The following PLXNA2 variants were observed in gnomAD, a reference collection of about 807,000 sequenced individuals.
PLXNA2 encodes the protein plexin A2, also known as plexin-A2.
Under a neutral mutation model 193.5 loss-of-function variants are expected in PLXNA2, and 91 were observed. The observed-to-expected ratio is 0.47, with a 90% CI of 0.40 to 0.56. The LOEUF (loss-of-function observed/expected upper bound fraction) is 0.56. PLXNA2 is among the 20% of genes least tolerant of loss of function. PLXNA2 has a pLI of 0.00. For synonymous variants in PLXNA2, 997 were observed against 1,027.3 expected (o/e 0.97, Z 0.56); for missense variants, 1,995 against 2,503.2 (o/e 0.80, Z 4.33).
chr1:208,104,749 A>G (rs74796538), intron 4 of PLXNA2, among the ~76,000 whole-genome samples: 1 of 152,272 alleles, frequency 6.6e-6, no homozygotes, highest in African/African-American at 2.4e-5. Flanking sequence ...CACACTTAAC[A>G]TTGCATATAT....
At chr1:208,235,701 A>T (rs540227886) in intron 1 of PLXNA2, among the ~76,000 whole-genome samples, 30 of 152,160 alleles carry the variant, frequency 2.0e-4, no homozygotes, top group Non-Finnish European at 4.0e-4. Flanking sequence ...CTTTGACACC[A>T]GGCTCTTCCT....
chr1:208,153,869 T>A (rs12024077), intron 3 of PLXNA2, among the ~76,000 whole-genome samples: 26,685 of 152,186 alleles, frequency 0.18, 3,366 homozygotes, highest in East Asian at 0.54. Flanking sequence ...AGGGTCTACC[T>A]CTTTTAAAAG....
At chr1:208,178,535 T>G (rs1038437565) in intron 3 of PLXNA2, among the ~76,000 whole-genome samples, 8 of 151,706 alleles carry the variant, frequency 5.3e-5, no homozygotes, top group Non-Finnish European at 1.2e-4. Flanking sequence ...GGGGCGGGGG[T>G]GTTGCCTGCC....
intron 1 of PLXNA2, among the ~76,000 whole-genome samples, chr1:208,225,175 T>C (rs964708794): frequency 5.1e-4 from 77 of 152,266 alleles, no homozygotes; most frequent in African/African-American, 1.8e-3. Context: ...AGGGGCTGGA[T>C]ACTAGCAAGA....
intron 1 of PLXNA2, among the ~76,000 whole-genome samples, chr1:208,239,359 C>T (rs1671973776): frequency 6.6e-6 from 1 of 152,172 alleles, no homozygotes; most frequent in African/African-American, 2.4e-5. Context: ...CTGTCCACCC[C>T]CATTCACACT....
chr1:208,220,289 A>G (rs1316400022), intron 1 of PLXNA2, among the ~76,000 whole-genome samples: 11 of 152,206 alleles, frequency 7.2e-5, no homozygotes, highest in African/African-American at 4.8e-5. Context: ...AGGCAAGTCA[A>G]GTCTCATGTC....
intron 4 of PLXNA2, among the ~76,000 whole-genome samples, chr1:208,119,803 T>A (rs1200516501): frequency 2.0e-5 from 3 of 152,230 alleles, no homozygotes; most frequent in Admixed American, 6.5e-5. Context: ...TTAGTAGAGA[T>A]GGGGTTTCAC....
Position 208,033,506 on chromosome 1 carries a change from G to T in PLXNA2, c.4868C>A (p.Ser1623Tyr). The change falls in exon 28 of 32, where the codon TCC becomes TAC. Residue 1623 changes from serine to tyrosine, a missense_variant. This residue lies in a region of PLXNA2 where 1,291 missense variants were observed against 1,673.6 expected (regional missense o/e 0.77). Coordinates refer to ENST00000367033, the MANE Select transcript of PLXNA2 (RefSeq NM_025179.4). ...ISRTSISRYD[S>Y]SFRYTGSPDS... is the part of the protein sequence containing the mutation. ...GGGGCTGCCCGTATACCTGAAGGAGGAGTCTGAGGAGAAGGGGTTGGTGGA... is the reference window on the plus strand; with the variant it reads ...GGGGCTGCCCGTATACCTGAAGGAGTAGTCTGAGGAGAAGGGGTTGGTGGA... 6.2e-7 allele frequency: 1 copy of T among 1,601,036 alleles called. No homozygotes were observed.
In PLXNA2 at chr1:208,023,296, A is replaced by T. The variant is rs1431270796; in HGVS notation, c.*3947T>A. The T allele has an allele frequency of 1.3e-5, 2 of 152,654 alleles. No individual in the cohort carries two copies. The highest frequency in any genetic ancestry group is 6.5e-5 in the Admixed American group (1 of 15,278). The allele number at this position is 152,654 out of a possible 1,614,324, so 9.5% of individuals were successfully genotyped here. A position where few individuals can be genotyped will look rare whatever the true frequency, so the allele number is the denominator to read the frequency against. On this transcript the variant is annotated 3_prime_UTR_variant, in exon 32 of 32. Coordinates refer to ENST00000367033, the MANE Select transcript of PLXNA2 (RefSeq NM_025179.4). ...AAAAAAAGACGGCCTCTCCTGGAGC[A>T]GCTGCTGGATCAGTATTTACCAGGA...
At chr1:208,187,701 G>A (rs1003443474) in intron 3 of PLXNA2, among the ~76,000 whole-genome samples, 6 of 152,184 alleles carry the variant, frequency 3.9e-5, no homozygotes, top group African/African-American at 1.4e-4. Flanking sequence ...CCAGGATCTT[G>A]TAAAAGTCCC....
intron 4 of PLXNA2, among the ~76,000 whole-genome samples, chr1:208,120,353 G>A (rs914728297): frequency 4.6e-5 from 7 of 152,202 alleles, no homozygotes; most frequent in Non-Finnish European, 7.3e-5. Flanking sequence ...TTAGAGTGGG[G>A]TGGGATTAAT....
chr1:208,219,070 G>A (rs1397079340), intron 1 of PLXNA2, among the ~76,000 whole-genome samples: 3 of 152,194 alleles, frequency 2.0e-5, no homozygotes, highest in East Asian at 1.9e-4. Flanking sequence ...AATCACCAGC[G>A]GGCCTCAGTG....
intron 4 of PLXNA2, among the ~76,000 whole-genome samples, chr1:208,115,787 G>A (rs1192740362): frequency 1.3e-5 from 2 of 152,074 alleles, no homozygotes; most frequent in Non-Finnish European, 2.9e-5. Flanking sequence ...ATTGAGACAT[G>A]GTAAAAGCTA....
At chr1:208,095,817 G>T (rs1310783345) in intron 8 of PLXNA2, among the ~76,000 whole-genome samples, 1 of 152,162 alleles carries the variant, frequency 6.6e-6, no homozygotes, top group African/African-American at 2.4e-5. Flanking sequence ...GGCATCCAAG[G>T]ATTCAGAGAC....
intron 1 of PLXNA2, among the ~76,000 whole-genome samples, chr1:208,224,533 G>A (rs534275988): frequency 6.6e-6 from 1 of 151,978 alleles, no homozygotes; most frequent in Admixed American, 6.6e-5. Context: ...AAGGGGGAGG[G>A]GGGTGAGGAG....
intron 3 of PLXNA2, among the ~76,000 whole-genome samples, chr1:208,199,251 G>A (rs1670459875): frequency 6.6e-6 from 1 of 152,166 alleles, no homozygotes; most frequent in Non-Finnish European, 1.5e-5. Context: ...GGTCACCCTA[G>A]ATCAAGGTTG....
Position 208,203,033 on chromosome 1 carries a change from A to C in PLXNA2, c.1371+7247T>G, listed in dbSNP as rs111763763. 5.3e-3 allele frequency among the ~76,000 whole-genome samples: 806 copies of C among 152,302 alleles called. 14 individuals are homozygous for C. Among genetic ancestry groups the C allele is most frequent in the African/African-American group, 0.019 (774 of 41,572 alleles). On this transcript the variant is annotated intron_variant, in intron 3 of 31. Coordinates refer to ENST00000367033, the MANE Select transcript of PLXNA2 (RefSeq NM_025179.4). ...TGCTGGGGATCTGGACAGAGCCGAC[A>C]TCTCCTGTCTACACCTGCCATGGTC...
At position 208,162,668 on chromosome 1, in the gene PLXNA2, C is replaced by CG. The variant is rs1669169219; in HGVS notation, c.1372-20206dup. 5.9e-5 allele frequency among the ~76,000 whole-genome samples: 9 copies of CG among 152,166 alleles called. No homozygotes were observed. The South Asian group carries it at 1.9e-3, about 32-fold the overall frequency. On this transcript the variant is annotated intron_variant, in intron 3 of 31. Transcript: ENST00000367033. ...ACATAATAACAAACAGGTACTGTTC[C>CG]GTGTGCTTTACCTGTATGAAGACAT...
chr1:208,165,602 C>T (rs901942189), intron 3 of PLXNA2, among the ~76,000 whole-genome samples: 1 of 152,174 alleles, frequency 6.6e-6, no homozygotes, highest in Non-Finnish European at 1.5e-5. Flanking sequence ...CGTCAATAGC[C>T]TCTTTCAACT....
Sources: gnomAD v4.1 joint callset for allele counts (sites outside exome capture counted in the v4.1 genomes callset) on GRCh38, gnomAD v4.1.1 for gene constraint, gnomAD v4.1.1 regional missense constraint, MANE v1.5 for transcripts, NCBI Gene and HGNC (gene_info 2026-07-23, HGNC 2026-07-21) for gene names.